SPAST: variants seen among roughly 807,000 people sequenced by gnomAD.
The protein encoded by SPAST is spastic paraplegia 4 (autosomal dominant; spastin).
A neutral mutation model predicts 76.6 loss-of-function variants in SPAST; 30 were observed. That is an observed-to-expected ratio of 0.39 (90% CI 0.29 to 0.53). The LOEUF is 0.53. Ranked by LOEUF, SPAST falls within the 20% of genes least tolerant of loss-of-function variation. The pLI is 0.68. For synonymous variants in SPAST, 305 were observed against 281.0 expected (o/e 1.09, Z -0.86); for missense variants, 717 against 770.5 (o/e 0.93, Z 0.82).
At chr2:32,117,674 G>A (rs1242894658) in intron 7 of SPAST, among the ~76,000 whole-genome samples, 1 of 151,598 alleles carries the variant, frequency 6.6e-6, no homozygotes, top group East Asian at 1.9e-4. Context: ...TGGGTCTATA[G>A]GCATGCACCC....
intron 7 of SPAST, among the ~76,000 whole-genome samples, chr2:32,121,201 A>G (rs923479903): frequency 3.3e-5 from 5 of 152,180 alleles, no homozygotes; most frequent in African/African-American, 4.8e-5. Flanking sequence ...CACCCAGGCT[A>G]GAGTGCAGTG....
At chr2:32,151,143 A>G (rs988965608) in intron 16 of SPAST, among the ~76,000 whole-genome samples, 4 of 152,024 alleles carry the variant, frequency 2.6e-5, no homozygotes, top group African/African-American at 9.6e-5. Context: ...GGGTTTCACT[A>G]TGTTGGTCAG....
intron 7 of SPAST, chr2:32,126,643 T>TC: frequency 4.4e-6 from 1 of 226,396 alleles, no homozygotes; most frequent in Non-Finnish European, 8.7e-6. Context: ...CACACCCAGC[T>TC]AATTTTTTTT....
In SPAST at chr2:32,154,461, C is replaced by G. The variant is rs759860510; in HGVS notation, c.1816C>G (p.Arg606Gly). The change falls in exon 17 of 17, where the codon CGT (arginine) becomes GGT (glycine). Residue 606 changes from arginine to glycine, a missense_variant. By Grantham distance (125) the Arg-to-Gly change is moderately radical (BLOSUM62 -2). Transcript: ENST00000315285. ...CCCTCAAACTTTAGAAGCGTACATA[C>G]GTTGGAACAAGGACTTTGGAGATAC... ...VSPQTLEAYIRWNKDFGDTTV is the reference protein window; with the variant it reads ...VSPQTLEAYIGWNKDFGDTTV The G allele has an allele frequency of 5.6e-6, 9 of 1,611,486 alleles. No individual in the cohort carries two copies. Among genetic ancestry groups the G allele is most frequent in the Non-Finnish European group, 7.6e-6 (9 of 1,178,124 alleles).
chr2:32,139,914 A>T (rs566409667), intron 12 of SPAST, among the ~76,000 whole-genome samples: 1 of 152,162 alleles, frequency 6.6e-6, no homozygotes, highest in East Asian at 1.9e-4. Context: ...AAGAATCTGT[A>T]TGAGGAGAAG....
chr2:32,154,519 A>G lies in SPAST; in HGVS notation c.*23A>G. ...TAAGGAAATACCTTTGTAAACCTGC[A>G]GAACATTTTACTTAAAAGAGGAAAC... On this transcript the variant is annotated 3_prime_UTR_variant, in exon 17 of 17. Transcript: ENST00000315285. 6.2e-7 allele frequency: 1 copy of G among 1,612,204 alleles called. No homozygotes were observed.
chr2:32,109,331 A>G (rs754129587), intron 4 of SPAST, among the ~76,000 whole-genome samples: 1 of 149,246 alleles, frequency 6.7e-6, no homozygotes, highest in Non-Finnish European at 1.5e-5. Context: ...CTGGTCTCGA[A>G]CTCCTGACTT....
Position 32,084,454 on chromosome 2 carries a change from G to A in SPAST, c.416-3038G>A, listed in dbSNP as rs1295685120. 2.6e-5 allele frequency among the ~76,000 whole-genome samples: 4 copies of A among 152,000 alleles called. No homozygotes were observed. The East Asian group carries it at 7.8e-4, about 30-fold the overall frequency. ...GCTGGGATTACAGGCATGAGCCACC[G>A]CCCCTGGCCTACTTTTATTTCTTAA... On this transcript the variant is annotated intron_variant, in intron 1 of 16. Coordinates refer to ENST00000315285, the MANE Select transcript of SPAST (RefSeq NM_014946.4).
rs776959900 is a variant in SPAST at position 32,138,386 on chromosome 2, T to G, written c.1493+1198T>G. ...CCATTTTATTAATAGCCATTCTGAC[T>G]GGTGTGAGATATCTCATTGTGATTT... is the stretch of plus-strand genomic sequence containing the variant. On this transcript the variant is annotated intron_variant, in intron 12 of 16. Transcript: ENST00000315285. Among the ~76,000 whole-genome samples the G allele has an allele frequency of 4.0e-4, 61 of 152,218 alleles. 1 individual carries two copies. The highest frequency in any genetic ancestry group is 7.1e-4 in the Non-Finnish European group (48 of 68,030).
Position 32,114,740 on chromosome 2 carries a change from G to A in SPAST, c.785G>A (p.Gly262Asp), listed in dbSNP as rs1558323521. Residue 262 changes from glycine (G) to aspartate (D), a missense_variant, in exon 5 of 17, where the codon GGC (glycine) becomes GAC (aspartate). Gly to Asp is a moderately conservative substitution (Grantham distance 94). Coordinates refer to ENST00000315285, the MANE Select transcript of SPAST (RefSeq NM_014946.4). ...AAAACTGGATCTGCAGGCCTTTCAG[G>A]CCACCATAGAGCACCTAGTTACAGT... ...VMKTGSAGLSGHHRAPSYSGL... is the reference protein window; with the variant it reads ...VMKTGSAGLSDHHRAPSYSGL... 6.2e-7 allele frequency: 1 copy of A among 1,614,022 alleles called. No homozygotes were observed. The highest frequency in any genetic ancestry group is 2.2e-5 in the East Asian group (1 of 44,870).
In SPAST at chr2:32,063,625, A is replaced by G. The variant is rs1335320646; in HGVS notation, c.-207A>G. ...AGGAAGGGAGGGGCCCGAGCCACCG[A>G]CTGCAGGAGGAGAAGGGGTTGTGCT... On this transcript the variant is annotated 5_prime_UTR_variant, in exon 1 of 17. Coordinates refer to ENST00000315285, the MANE Select transcript of SPAST (RefSeq NM_014946.4). 4 of 608,186 alleles carry G rather than the reference A, an allele frequency of 6.6e-6. No individual in the cohort carries two copies. The highest frequency in any genetic ancestry group is 1.1e-5 in the Non-Finnish European group (4 of 362,072). The allele number at this position is 608,186 out of a possible 1,614,324, so 37.7% of individuals were successfully genotyped here. A position where few individuals can be genotyped will look rare whatever the true frequency, so the allele number is the denominator to read the frequency against.
At chr2:32,076,145 C>G (rs111459435) in intron 1 of SPAST, among the ~76,000 whole-genome samples, 2 of 151,882 alleles carry the variant, frequency 1.3e-5, no homozygotes, top group African/African-American at 4.8e-5. Flanking sequence ...GTGTGATCCA[C>G]CTGCCTTGGC....
At chr2:32,065,534 T>C (rs952399203) in intron 1 of SPAST, among the ~76,000 whole-genome samples, 3 of 152,196 alleles carry the variant, frequency 2.0e-5, no homozygotes, top group African/African-American at 7.2e-5. Context: ...ATTCCAAACC[T>C]GTGCTAATAA....
At chr2:32,136,484 C>A in intron 9 of SPAST, 79 bp from the exon 10 acceptor site, 1 of 1,074,836 alleles carries the variant, frequency 9.3e-7, no homozygotes, top group Non-Finnish European at 1.4e-6. Context: ...TTCCTGTGTG[C>A]TAGATTTTCA....
chr2:32,069,123 C>G (rs1334276052), intron 1 of SPAST, among the ~76,000 whole-genome samples: 1 of 150,576 alleles, frequency 6.6e-6, no homozygotes, highest in African/African-American at 2.4e-5. Flanking sequence ...TGACGCAGGA[C>G]AATTGCTTGA....
At chr2:32,107,008 G>A (rs1450172843) in intron 4 of SPAST, among the ~76,000 whole-genome samples, 3 of 151,814 alleles carry the variant, frequency 2.0e-5, no homozygotes, top group Non-Finnish European at 2.9e-5. Context: ...CTCCAGCCCT[G>A]AAGAGTTGGT....
At chr2:32,146,171 A>G (rs1679879111) in intron 15 of SPAST, among the ~76,000 whole-genome samples, 1 of 152,218 alleles carries the variant, frequency 6.6e-6, no homozygotes, top group African/African-American at 2.4e-5. Flanking sequence ...TAGAAACAGT[A>G]GCTAATGCAT....
rs34291087 is a variant in SPAST, at chr2:32,093,310, C to CAAA, written c.586+3726_586+3728dup. 2.8e-3 allele frequency among the ~76,000 whole-genome samples: 173 copies of CAAA among 62,074 alleles called. 6 individuals are homozygous for CAAA. The highest frequency in any genetic ancestry group is 9.6e-3 in the African/African-American group (135 of 14,008). The allele number at this position is 62,074 out of a possible 152,430, so 40.7% of individuals were successfully genotyped here. A position where few individuals can be genotyped will look rare whatever the true frequency, so the allele number is the denominator to read the frequency against. ...TGGGTGACAGAGCGAGACTCCGTCT[C>CAAA]AAAAAAAAAAAAAAAAAAAAAAATA... On this transcript the variant is annotated intron_variant, in intron 3 of 16. Coordinates refer to ENST00000315285, the MANE Select transcript of SPAST (RefSeq NM_014946.4).
At chr2:32,088,036 T>C (rs1005230274) in intron 2 of SPAST, among the ~76,000 whole-genome samples, 2 of 151,970 alleles carry the variant, frequency 1.3e-5, no homozygotes, top group Non-Finnish European at 2.9e-5. Flanking sequence ...TACAGGTGCA[T>C]GCCACCGTGC....
Sources: gnomAD v4.1 joint callset for allele counts (sites outside exome capture counted in the v4.1 genomes callset) on GRCh38, gnomAD v4.1.1 for gene constraint, MANE v1.5 for transcripts, NCBI Gene and HGNC (gene_info 2026-07-23, HGNC 2026-07-21) for gene names.